Variants in IL1RAPL1 observed in about 807,000 individuals in gnomAD.
The protein encoded by IL1RAPL1 is interleukin-1 receptor accessory protein-like 1.
A neutral mutation model predicts 48.4 loss-of-function variants in IL1RAPL1; 3 were observed. The ratio of observed to expected loss-of-function variants is 0.06; its 90% CI spans 0.03 to 0.16. The LOEUF (loss-of-function observed/expected upper bound fraction) is 0.16. Ranked by LOEUF, IL1RAPL1 falls within the 10% of genes least tolerant of loss-of-function variation. The probability of loss-of-function intolerance (pLI) is 1.00; values close to 1 mark genes in which losing one functional copy is unlikely to be tolerated. For synonymous variants in IL1RAPL1, 185 were observed against 187.7 expected (o/e 0.99, Z 0.12); for missense variants, 349 against 530.6 (o/e 0.66, Z 3.36).
At chrX:28,749,197 T>C (rs1253250524) in intron 1 of IL1RAPL1, among the ~76,000 whole-genome samples, 5 of 112,347 alleles carry the variant, frequency 4.5e-5, no homozygotes. Flanking sequence ...CAGTCTTGGC[T>C]GTTGTGGATA....
intron 2 of IL1RAPL1, among the ~76,000 whole-genome samples, chrX:29,062,027 TG>T (rs1927353243): frequency 8.9e-6 from 1 of 112,263 alleles, no homozygotes; most frequent in Admixed American, 9.5e-5. Flanking sequence ...ACAAGGGATA[TG>T]GGATGTAAGG....
chrX:29,833,499 T>A (rs992472151), intron 6 of IL1RAPL1, among the ~76,000 whole-genome samples: 1 of 111,255 alleles, frequency 9.0e-6, no homozygotes, highest in African/African-American at 3.3e-5. Flanking sequence ...CCTGAACACT[T>A]CTGGGAGAAT....
intron 3 of IL1RAPL1, among the ~76,000 whole-genome samples, chrX:29,357,269 C>T (rs1322231097): frequency 8.9e-6 from 1 of 111,765 alleles, no homozygotes; most frequent in East Asian, 2.8e-4. Flanking sequence ...GTTTAGGTTG[C>T]ACATGGAATT....
chrX:29,745,039 C>A (rs1017488727), intron 6 of IL1RAPL1, among the ~76,000 whole-genome samples: 1 of 111,825 alleles, frequency 8.9e-6, no homozygotes, highest in Non-Finnish European at 1.9e-5. Flanking sequence ...ACGAGAGCAT[C>A]GTGACTCTAC....
At chrX:28,810,829 T>C (rs999341734) in intron 2 of IL1RAPL1, among the ~76,000 whole-genome samples, 2 of 110,309 alleles carry the variant, frequency 1.8e-5, no homozygotes, top group African/African-American at 6.6e-5. Context: ...TCTATTATGC[T>C]GTTATGTAAT....
intron 2 of IL1RAPL1, among the ~76,000 whole-genome samples, chrX:29,081,731 A>G (rs1302122948): frequency 9.0e-6 from 1 of 111,279 alleles, no homozygotes; most frequent in Non-Finnish European, 1.9e-5. Context: ...AAAAAATGGC[A>G]TACGTATTGA....
chrX:28,829,480 T>A (rs143404040), intron 2 of IL1RAPL1, among the ~76,000 whole-genome samples: 1,773 of 111,121 alleles, frequency 0.016, 48 homozygotes, highest in African/African-American at 0.055. Flanking sequence ...GGTTTTATCA[T>A]AGATGCCCTT....
chrX:29,013,686 G>A lies in IL1RAPL1; in HGVS notation c.82+224261G>A, dbSNP rs143062901. 1.8e-3 allele frequency among the ~76,000 whole-genome samples: 198 copies of A among 110,994 alleles called. 2 individuals carry two copies. The highest frequency in any genetic ancestry group is 0.018 in the Admixed American group (183 of 10,341). Reference sequence around the variant, plus strand: ...TGAGAACACATGGACACATGGTGGGGAACGACACACACTAGGGCCTGTTGG... The same window carrying A: ...TGAGAACACATGGACACATGGTGGGAAACGACACACACTAGGGCCTGTTGG... On this transcript the variant is annotated intron_variant, in intron 2 of 10. Transcript: ENST00000378993.
chrX:29,092,359 C>T (rs189864163), intron 2 of IL1RAPL1, among the ~76,000 whole-genome samples: 36 of 111,517 alleles, frequency 3.2e-4, no homozygotes, highest in Non-Finnish European at 5.7e-4. Context: ...AACAATAACC[C>T]ATTGTATTGT....
chrX:29,320,357 A>G (rs1192896043), intron 3 of IL1RAPL1, among the ~76,000 whole-genome samples: 3 of 112,342 alleles, frequency 2.7e-5, no homozygotes, highest in Admixed American at 9.5e-5. Context: ...TCAGGTCCAA[A>G]TGGGAAAAAG....
At chrX:29,883,189 G>GCA (rs1348782033) in intron 6 of IL1RAPL1, among the ~76,000 whole-genome samples, 1 of 110,830 alleles carries the variant, frequency 9.0e-6, no homozygotes, top group African/African-American at 3.3e-5. Context: ...CCTGTTCCTT[G>GCA]ACTTCCTGAT....
chrX:29,374,741 A>G (rs1295886164), intron 3 of IL1RAPL1, among the ~76,000 whole-genome samples: 2 of 109,520 alleles, frequency 1.8e-5, no homozygotes, highest in Non-Finnish European at 3.8e-5. Flanking sequence ...GGGTACCTAC[A>G]GGGTTCTGCA....
At chrX:28,873,106 C>CTTT (rs764591682) in intron 2 of IL1RAPL1, among the ~76,000 whole-genome samples, 34 of 64,960 alleles carry the variant, frequency 5.2e-4, no homozygotes, top group East Asian at 3.3e-3. Flanking sequence ...TTTTTTTTCA[C>CTTT]TTTTTTTTTT....
chrX:29,361,094 AG>A (rs2147659347), intron 3 of IL1RAPL1, among the ~76,000 whole-genome samples: 1 of 111,994 alleles, frequency 8.9e-6, no homozygotes, highest in African/African-American at 3.2e-5. Flanking sequence ...GAGATGAGAA[AG>A]CATACTGTAT....
At chrX:29,374,341 T>A (rs771525939) in intron 3 of IL1RAPL1, among the ~76,000 whole-genome samples, 1 of 100,678 alleles carries the variant, frequency 9.9e-6, no homozygotes, top group African/African-American at 3.6e-5. Context: ...TTTATTTTAT[T>A]ATTTATTTTT....
intron 2 of IL1RAPL1, among the ~76,000 whole-genome samples, chrX:29,027,173 T>A (rs1268649220): frequency 1.8e-5 from 2 of 112,048 alleles, no homozygotes; most frequent in African/African-American, 6.5e-5. Flanking sequence ...CTCCCAAAAA[T>A]CCTCTGTGCT....
chrX:28,651,398 G>A, intron 1 of IL1RAPL1, among the ~76,000 whole-genome samples: 1 of 112,266 alleles, frequency 8.9e-6, no homozygotes, highest in Non-Finnish European at 1.9e-5. Flanking sequence ...TGCTTCAGCA[G>A]CAGAGCTGAC....
intron 2 of IL1RAPL1, among the ~76,000 whole-genome samples, chrX:29,236,541 T>A (rs866761595): frequency 2.3e-5 from 1 of 44,268 alleles, no homozygotes; most frequent in Non-Finnish European, 3.8e-5. Flanking sequence ...TTTTCTTTTT[T>A]TTTCTTTTTT....
chrX:29,522,863 C>A (rs1037610366), intron 5 of IL1RAPL1, among the ~76,000 whole-genome samples: 6 of 111,071 alleles, frequency 5.4e-5, no homozygotes, highest in Non-Finnish European at 7.6e-5. Context: ...CCCAAATGAA[C>A]AATTAAGTTT....
Sources: allele counts gnomAD v4.1 joint callset (sites outside exome capture counted in the v4.1 genomes callset), GRCh38; gene constraint gnomAD v4.1.1; transcripts MANE v1.5; gene names NCBI Gene and HGNC (gene_info 2026-07-23, HGNC 2026-07-21).